Variants in EXTL3 observed in about 807,000 individuals in gnomAD.
The protein encoded by EXTL3 is exostosin like glycosyltransferase 3, also known as exostosin-like 3.
Under a neutral mutation model 69.3 loss-of-function variants are expected in EXTL3, and 27 were observed. The observed-to-expected ratio is 0.39, with a 90% CI of 0.29 to 0.54. EXTL3 has a LOEUF of 0.54. Ranked by LOEUF, EXTL3 falls within the 20% of genes least tolerant of loss-of-function variation. The pLI, the probability that EXTL3 is intolerant of heterozygous loss-of-function variation, is 0.69. For synonymous variants in EXTL3, 511 were observed against 499.4 expected (o/e 1.02, Z -0.31); for missense variants, 1,003 against 1,231.8 (o/e 0.81, Z 2.78).
Position 28,645,844 on chromosome 8 carries a change from A to T in EXTL3, c.-53+23034A>T, listed in dbSNP as rs561376950. ...GCACCTGGACTTTTTTTTTTTTTTT[A>T]AAGTTATTCTCTTATTGATTGATTG... On this transcript the variant is annotated intron_variant, in intron 1 of 6. Coordinates refer to the EXTL3 transcript ENST00000523149. Among the ~76,000 whole-genome samples the T allele has an allele frequency of 3.2e-3, 469 of 145,804 alleles. 4 individuals carry two copies. The highest frequency in any genetic ancestry group is 0.011 in the African/African-American group (435 of 39,498).
At position 28,630,908 on chromosome 8, in the gene EXTL3, G is replaced by A. The variant is rs375550398; in HGVS notation, c.-53+8098G>A. 7.2e-4 allele frequency among the ~76,000 whole-genome samples: 109 copies of A among 152,340 alleles called. 1 individual carries two copies. Among genetic ancestry groups the A allele is most frequent in the African/African-American group, 2.4e-3 (100 of 41,592 alleles). Reference sequence around the variant, plus strand: ...GAAGGCATGTCAGGAATGGCATGGTGCCAGGTATATAGGAGACGCACAGTA... The same window carrying A: ...GAAGGCATGTCAGGAATGGCATGGTACCAGGTATATAGGAGACGCACAGTA... On this transcript the variant is annotated intron_variant, in intron 1 of 6. Coordinates refer to the EXTL3 transcript ENST00000523149.
At chr8:28,641,857 A>T (rs1806748269) in intron 1 of EXTL3, among the ~76,000 whole-genome samples, 1 of 151,824 alleles carries the variant, frequency 6.6e-6, no homozygotes. Flanking sequence ...TTTTCTTGAG[A>T]CGGAGTCTCG....
At chr8:28,742,834 G>A (rs1440419188) in intron 5 of EXTL3, 7 of 480,556 alleles carry the variant, frequency 1.5e-5, no homozygotes, top group African/African-American at 9.8e-5. Flanking sequence ...AAATCACTGC[G>A]GTACCAGGGA....
In EXTL3 at chr8:28,752,825, A is replaced by G. The variant is rs1213354928; in HGVS notation, c.*1959A>G. The G allele has an allele frequency of 6.5e-6, 1 of 152,690 alleles. No homozygotes were observed. The highest frequency in any genetic ancestry group is 1.5e-5 in the Non-Finnish European group (1 of 68,114). The allele number at this position is 152,690 out of a possible 1,614,324, so 9.5% of individuals were successfully genotyped here. A position where few individuals can be genotyped will look rare whatever the true frequency, so the allele number is the denominator to read the frequency against. On this transcript the variant is annotated 3_prime_UTR_variant, in exon 7 of 7. Transcript: ENST00000220562. ...GCCAAAGAGTGTGGTGTGTGGCGCTATATTGTGGCTGCTATTTCATCTGGT... is the reference window on the plus strand; with the variant it reads ...GCCAAAGAGTGTGGTGTGTGGCGCTGTATTGTGGCTGCTATTTCATCTGGT...
At chr8:28,744,976 TA>T (rs1171724930) in intron 6 of EXTL3, among the ~76,000 whole-genome samples, 1 of 151,470 alleles carries the variant, frequency 6.6e-6, no homozygotes, top group East Asian at 1.9e-4. Context: ...AAGAAAATAA[TA>T]ATAATAATAA....
intron 1 of EXTL3, among the ~76,000 whole-genome samples, chr8:28,647,310 G>C (rs1806848245): frequency 6.6e-6 from 1 of 152,046 alleles, no homozygotes; most frequent in Admixed American, 6.6e-5. Context: ...TCACCATGTT[G>C]TCCAGGCTGG....
chr8:28,705,788 T>G (rs1380674367), intron 1 of EXTL3, among the ~76,000 whole-genome samples: 1 of 152,336 alleles, frequency 6.6e-6, no homozygotes, highest in Non-Finnish European at 1.5e-5. Context: ...AAAATCCATC[T>G]GAAGACCTTA....
rs577615293 is a variant in EXTL3, at chr8:28,635,040, G to A, written c.-53+12230G>A. On this transcript the variant is annotated intron_variant, in intron 1 of 6. Coordinates refer to the EXTL3 transcript ENST00000523149. ...CACGGCTCCTGGACCATGGTAACCT[G>A]GAGTGTGTGAAGGCTGTAAATGAGG... 9.2e-5 allele frequency among the ~76,000 whole-genome samples: 14 copies of A among 152,142 alleles called. No individual in the cohort carries two copies. The South Asian group carries it at 2.7e-3, about 29-fold the overall frequency.
chr8:28,619,940 G>A (rs1806388714), upstream of EXTL3, among the ~76,000 whole-genome samples: 1 of 120,112 alleles, frequency 8.3e-6, no homozygotes, highest in African/African-American at 3.2e-5. Context: ...GCGCGATCTT[G>A]GCTCACTGAA....
Position 28,750,624 on chromosome 8 carries a change from G to T in EXTL3, c.2551-33G>T. 1 of 1,566,132 alleles carries T rather than the reference G, an allele frequency of 6.4e-7. No individual in the cohort carries two copies. On this transcript the variant is annotated intron_variant, in intron 6 of 6. Transcript: ENST00000220562. The surrounding 1 kb of genome is among the most constrained non-coding windows in gnomAD (Gnocchi z 5.2). ...CAAGGGTTCTGTCAGTATTAGCTGG[G>T]ATTCCCACTCTGTCTCTCTCTCCCG...
At chr8:28,613,975 T>C (rs527854527) in intron 2 of EXTL3, among the ~76,000 whole-genome samples, 39 of 151,876 alleles carry the variant, frequency 2.6e-4, no homozygotes, top group African/African-American at 9.2e-4. Context: ...CCATGCATGC[T>C]ACCACACCCA....
chr8:28,614,979 T>C (rs1806313564), intron 2 of EXTL3, among the ~76,000 whole-genome samples: 1 of 151,884 alleles, frequency 6.6e-6, no homozygotes, highest in Non-Finnish European at 1.5e-5. Flanking sequence ...ATCCATTAGC[T>C]GTTCTTCCTG....
In EXTL3 at chr8:28,719,074, T is replaced by C. The variant is rs79654192; in HGVS notation, c.2148+867T>C. On this transcript the variant is annotated intron_variant, in intron 3 of 6. Coordinates refer to ENST00000220562, the MANE Select transcript of EXTL3 (RefSeq NM_001440.4). ...TTTAACCTGCTGCATATGTAGTTACTTCCTGGCAGAAGGTAGCAAAAAGTC... is the reference window on the plus strand; with the variant it reads ...TTTAACCTGCTGCATATGTAGTTACCTCCTGGCAGAAGGTAGCAAAAAGTC... Among the ~76,000 whole-genome samples, 213 of 152,312 alleles carry C rather than the reference T, an allele frequency of 1.4e-3. 2 individuals carry two copies. The highest frequency in any genetic ancestry group is 5.0e-3 in the African/African-American group (208 of 41,562).
Position 28,701,617 on chromosome 8 carries a change from A to AGGCGGC in EXTL3, c.-594_-589dup, listed in dbSNP as rs537721750. 0.022 allele frequency: 3,499 copies of AGGCGGC among 161,714 alleles called. 60 individuals carry two copies. Among genetic ancestry groups the AGGCGGC allele is most frequent in the African/African-American group, 0.048 (2,009 of 41,476 alleles). The allele number at this position is 161,714 out of a possible 1,614,324, so 10.0% of individuals were successfully genotyped here. A position where few individuals can be genotyped will look rare whatever the true frequency, so the allele number is the denominator to read the frequency against. Reference sequence around the variant, plus strand: ...GCTTCTGGGACGCCGACTTTCGCGCAGGCGGCGGCGGCGGCGGCGGCGGGT... The same window carrying AGGCGGC: ...GCTTCTGGGACGCCGACTTTCGCGCAGGCGGCGGCGGCGGCGGCGGCGGCGGCGGGT... On this transcript the variant is annotated 5_prime_UTR_variant, in exon 1 of 7. Transcript: ENST00000220562.
chr8:28,678,997 T>G (rs1807434916), intron 1 of EXTL3, among the ~76,000 whole-genome samples: 1 of 152,182 alleles, frequency 6.6e-6, no homozygotes, highest in Admixed American at 6.5e-5. Flanking sequence ...TATACCAGCT[T>G]CTTTGTGCAT....
chr8:28,622,826 G>A (rs892832483), intron 1 of EXTL3: 2 of 152,250 alleles, frequency 1.3e-5, no homozygotes, highest in African/African-American at 4.8e-5. Context: ...GGCTCTTCGG[G>A]ATCTTCCCTT....
chr8:28,657,888 C>T (rs1807037396), intron 1 of EXTL3, among the ~76,000 whole-genome samples: 1 of 152,198 alleles, frequency 6.6e-6, no homozygotes, highest in African/African-American at 2.4e-5. Context: ...TTCACTCCTC[C>T]CTTAATAGAG....
rs867367270 is a variant in EXTL3 at position 28,662,687 on chromosome 8, G to A, written c.-53+39877G>A. 5.3e-5 allele frequency among the ~76,000 whole-genome samples: 8 copies of A among 152,346 alleles called. No individual in the cohort carries two copies. In the Middle Eastern group the frequency reaches 0.01, roughly 194 times the overall value. ...CCAGCACTTTGGGAGGCCAAGGCGG[G>A]TGGATAATTAGAGTCCAGGGGTTCG... On this transcript the variant is annotated intron_variant, in intron 1 of 6. Coordinates refer to the EXTL3 transcript ENST00000523149.
rs888095630 is a variant in EXTL3, at chr8:28,753,091, T to G, written c.*2225T>G. On this transcript the variant is annotated 3_prime_UTR_variant, in exon 7 of 7. Coordinates refer to ENST00000220562, the MANE Select transcript of EXTL3 (RefSeq NM_001440.4). ...GCAGGGAGGGCTGTGGTGCCGGTGC[T>G]TCCAACAAGGACAGCCCTCCTTGAC... 1 of 152,250 alleles carries G rather than the reference T, an allele frequency of 6.6e-6. No homozygotes were observed. Among genetic ancestry groups the G allele is most frequent in the Non-Finnish European group, 1.5e-5 (1 of 68,096 alleles). 9.4% of individuals were successfully genotyped at this position (152,250 alleles called of 1,614,324 possible).
Sources: gnomAD v4.1 joint callset for allele counts (sites outside exome capture counted in the v4.1 genomes callset) on GRCh38, gnomAD v4.1.1 for gene constraint, Gnocchi (gnomAD v3.1) non-coding constraint, MANE v1.5 for transcripts, NCBI Gene and HGNC (gene_info 2026-07-23, HGNC 2026-07-21) for gene names.